The following SMYD3 variants were observed in gnomAD, a reference collection of about 807,000 sequenced individuals.
SMYD3 encodes the protein histone-lysine N-methyltransferase SMYD3.
SMYD3 carries 36 observed loss-of-function variants against 57.7 expected under a neutral mutation model. That is an observed-to-expected ratio of 0.62 (90% CI 0.48 to 0.82). The LOEUF (loss-of-function observed/expected upper bound fraction) is 0.82. SMYD3 is among the 40% of genes least tolerant of loss of function. The pLI, the probability that SMYD3 is intolerant of heterozygous loss-of-function variation, is 0.00. For missense variants in SMYD3, 515 were observed against 538.8 expected (o/e 0.96, Z 0.44); for synonymous variants, 211 against 195.0 (o/e 1.08, Z -0.68).
At chr1:246,185,501 C>G (rs1379319841) in intron 5 of SMYD3, among the ~76,000 whole-genome samples, 3 of 137,556 alleles carry the variant, frequency 2.2e-5, no homozygotes, top group Non-Finnish European at 4.6e-5. Flanking sequence ...GTCGCCCAGG[C>G]TGGAGTGTGG....
intron 5 of SMYD3, among the ~76,000 whole-genome samples, chr1:246,127,537 A>G (rs893734940): frequency 2.6e-5 from 4 of 152,148 alleles, no homozygotes; most frequent in African/African-American, 9.7e-5. Flanking sequence ...TGTTGTCTGT[A>G]AGCAAAAAGA....
intron 10 of SMYD3, among the ~76,000 whole-genome samples, chr1:245,768,233 T>C (rs1159618861): frequency 6.6e-6 from 1 of 152,166 alleles, no homozygotes; most frequent in Non-Finnish European, 1.5e-5. Flanking sequence ...AAAATGTTTT[T>C]GGTGTTTCTA....
At chr1:246,080,485 A>T (rs1012070013) in intron 5 of SMYD3, among the ~76,000 whole-genome samples, 1 of 152,118 alleles carries the variant, frequency 6.6e-6, no homozygotes, top group Non-Finnish European at 1.5e-5. Context: ...TCACCGCCCC[A>T]TCCATGAAAA....
chr1:246,201,695 C>CTACA (rs1182816181), intron 5 of SMYD3, among the ~76,000 whole-genome samples: 1 of 152,142 alleles, frequency 6.6e-6, no homozygotes, highest in Non-Finnish European at 1.5e-5. Flanking sequence ...CATCAATCAC[C>CTACA]TACAGGTCCA....
intron 8 of SMYD3, among the ~76,000 whole-genome samples, chr1:245,895,314 G>A (rs751001540): frequency 5.9e-5 from 9 of 152,086 alleles, no homozygotes; most frequent in East Asian, 1.9e-4. Context: ...GCACACGCAC[G>A]CACACACTTC....
chr1:246,059,123 G>A (rs935115831), intron 5 of SMYD3, among the ~76,000 whole-genome samples: 1 of 152,118 alleles, frequency 6.6e-6, no homozygotes, highest in African/African-American at 2.4e-5. Context: ...TGATCCGCCT[G>A]CCTCGGCCTC....
intron 5 of SMYD3, 102 bp from the exon 6 acceptor site, chr1:245,930,039 G>A (rs12022028): frequency 4.3e-6 from 4 of 930,322 alleles, no homozygotes; most frequent in Non-Finnish European, 6.9e-6. Flanking sequence ...GAGCATCTTA[G>A]TAGTTGCTTA....
At chr1:245,858,281 TCTG>T (rs1408333076) in intron 10 of SMYD3, among the ~76,000 whole-genome samples, 7 of 152,320 alleles carry the variant, frequency 4.6e-5, no homozygotes, top group African/African-American at 1.7e-4. Context: ...ACCCACGGTG[TCTG>T]ACACATGGAA....
intron 5 of SMYD3, among the ~76,000 whole-genome samples, chr1:246,267,699 C>A (rs1419416090): frequency 6.6e-6 from 1 of 152,206 alleles, no homozygotes; most frequent in Non-Finnish European, 1.5e-5. Flanking sequence ...CTGAGTCTCT[C>A]TTGCAGCCCC....
chr1:246,076,001 A>G (rs536999539), intron 5 of SMYD3, among the ~76,000 whole-genome samples: 4 of 151,780 alleles, frequency 2.6e-5, no homozygotes, highest in Admixed American at 2.6e-4. Context: ...AAGATAATAT[A>G]CAATAAAAAT....
At chr1:246,154,025 GC>G (rs1392375297) in intron 5 of SMYD3, among the ~76,000 whole-genome samples, 1 of 152,094 alleles carries the variant, frequency 6.6e-6, no homozygotes, top group Non-Finnish European at 1.5e-5. Context: ...TCTGCTTACT[GC>G]CCCATACATG....
chr1:245,955,915 C>A, intron 5 of SMYD3: 3 of 972,962 alleles, frequency 3.1e-6, no homozygotes, highest in Non-Finnish European at 3.7e-6. Context: ...TCCTAAGATT[C>A]ATTTATGTTG....
chr1:246,007,104 A>G (rs1339488553), intron 5 of SMYD3, among the ~76,000 whole-genome samples: 1 of 152,186 alleles, frequency 6.6e-6, no homozygotes, highest in African/African-American at 2.4e-5. Context: ...CACATTCTAA[A>G]GAGGCTGCTG....
At chr1:246,312,335 CAG>C (rs1189589914) in intron 5 of SMYD3, among the ~76,000 whole-genome samples, 1 of 151,860 alleles carries the variant, frequency 6.6e-6, no homozygotes, top group Non-Finnish European at 1.5e-5. Flanking sequence ...AATTGAGACT[CAG>C]GGAAACAGTG....
chr1:246,459,423 C>A (rs111993022), intron 1 of SMYD3, among the ~76,000 whole-genome samples: 1 of 144,914 alleles, frequency 6.9e-6, no homozygotes, highest in Non-Finnish European at 1.5e-5. Flanking sequence ...GATCTTGTTA[C>A]TTGAGAGTTT....
At chr1:246,413,243 A>T (rs1253342741) in intron 1 of SMYD3, among the ~76,000 whole-genome samples, 1 of 152,222 alleles carries the variant, frequency 6.6e-6, no homozygotes, top group Non-Finnish European at 1.5e-5. Context: ...AATTGGGCAC[A>T]GAAAGAAAGT....
intron 5 of SMYD3, among the ~76,000 whole-genome samples, chr1:246,236,251 G>C (rs764406938): frequency 5.0e-4 from 76 of 152,064 alleles, no homozygotes; most frequent in South Asian, 1.2e-3. Flanking sequence ...TGAAATGAAT[G>C]ACAGGGTCTC....
chr1:246,119,413 C>CT (rs111657622), intron 5 of SMYD3, among the ~76,000 whole-genome samples: 2,927 of 130,182 alleles, frequency 0.022, 40 homozygotes, highest in African/African-American at 0.043. Flanking sequence ...TTTGTTCTTT[C>CT]TTTTTTTTTT....
intron 1 of SMYD3, among the ~76,000 whole-genome samples, chr1:246,379,081 TACACACAC>T (rs34560740): frequency 4.6e-5 from 6 of 130,518 alleles, no homozygotes; most frequent in East Asian, 2.1e-4. Flanking sequence ...CACACATACA[TACACACAC>T]ACACACACAC....
Sources: allele counts gnomAD v4.1 joint callset (sites outside exome capture counted in the v4.1 genomes callset), GRCh38; gene constraint gnomAD v4.1.1; transcripts MANE v1.5; gene names NCBI Gene and HGNC (gene_info 2026-07-23, HGNC 2026-07-21).